The following PRRC2B variants were observed in gnomAD, a reference collection of about 807,000 sequenced individuals.
PRRC2B encodes protein PRRC2B.
PRRC2B carries 68 observed loss-of-function variants against 242.3 expected under a neutral mutation model. The observed-to-expected ratio is 0.28, with a 90% CI of 0.23 to 0.34. The LOEUF is 0.34. PRRC2B is among the 10% of genes least tolerant of loss of function. The pLI is 1.00. For missense variants in PRRC2B, 2,835 were observed against 2,954.8 expected (o/e 0.96, Z 0.94); for synonymous variants, 1,228 against 1,173.6 (o/e 1.05, Z -0.95).
Position 131,475,872 on chromosome 9 carries a change from G to A in PRRC2B, c.3743G>A (p.Arg1248Gln), listed in dbSNP as rs1367892858. The change falls in exon 16 of 32, where the codon CGG becomes CAG. Residue 1248 changes from arginine (R) to glutamine (Q), a missense_variant. Transcript: ENST00000683519. ...GGCCCTTCCGACACATGCGGATCCCGGCGACCTACAGACAGAGACTATGTC... is the reference window on the plus strand; with the variant it reads ...GGCCCTTCCGACACATGCGGATCCCAGCGACCTACAGACAGAGACTATGTC... ...EYGPSDTCGSRRPTDRDYVPD... is the reference protein window; with the variant it reads ...EYGPSDTCGSQRPTDRDYVPD... 5.6e-6 allele frequency: 9 copies of A among 1,613,668 alleles called. No homozygotes were observed. Among genetic ancestry groups the A allele is most frequent in the South Asian group, 4.4e-5 (4 of 91,076 alleles).
Position 131,446,308 on chromosome 9 carries a change from T to G in PRRC2B, c.614-93T>G. On this transcript the variant is annotated intron_variant, in intron 6 of 31. Transcript: ENST00000683519. This position sits in a 1 kb window ranked among gnomAD's most constrained non-coding sequence, Gnocchi z 4.1. ...TTTGTTTTTCATTTTATTTTTTTGG[T>G]GAAGGAGGGGGTCCCTTGACCTTCA... 2 of 1,448,338 alleles carry G rather than the reference T, an allele frequency of 1.4e-6. No homozygotes were observed. Among genetic ancestry groups the G allele is most frequent in the South Asian group, 2.6e-5 (2 of 75,958 alleles). 89.7% of individuals were successfully genotyped at this position (1,448,338 alleles called of 1,614,324 possible). A position where few individuals can be genotyped will look rare whatever the true frequency, so the allele number is the denominator to read the frequency against.
At chr9:131,452,532 C>T (rs1235666021) in intron 9 of PRRC2B, among the ~76,000 whole-genome samples, 1 of 151,984 alleles carries the variant, frequency 6.6e-6, no homozygotes, top group Non-Finnish European at 1.5e-5. Flanking sequence ...ATTACATTAT[C>T]CTTTTGATGT....
At chr9:131,376,318 C>T (rs1307197843) in intron 1 of PRRC2B, among the ~76,000 whole-genome samples, 1 of 150,140 alleles carries the variant, frequency 6.7e-6, no homozygotes, top group Non-Finnish European at 1.5e-5. Context: ...CGCGCCAATG[C>T]ACTCCAGCCT....
At chr9:131,422,759 A>G (rs1837878243) in intron 1 of PRRC2B, among the ~76,000 whole-genome samples, 1 of 152,182 alleles carries the variant, frequency 6.6e-6, no homozygotes, top group Non-Finnish European at 1.5e-5. Context: ...GTTGTTGGCG[A>G]ATCTTTCTGG....
At chr9:131,479,675 G>C (rs369148481) in intron 19 of PRRC2B, among the ~76,000 whole-genome samples, 2 of 152,208 alleles carry the variant, frequency 1.3e-5, no homozygotes, top group East Asian at 3.9e-4. Flanking sequence ...CTTGGGCTTA[G>C]ATCACACAGT....
rs190501534 is a variant in PRRC2B at position 131,484,772 on chromosome 9, C to T, written c.5547C>T (p.Thr1849=). ...AIGLSPMSFP[T]ADLTLKMESA... ...GTCTCTCCCCAATGTCCTTCCCCACCGCCGACCTTACTCTGAAGGTAACAC... is the reference window on the plus strand; with the variant it reads ...GTCTCTCCCCAATGTCCTTCCCCACTGCCGACCTTACTCTGAAGGTAACAC... The change falls in exon 24 of 32, where the codon ACC becomes ACT. Residue 1849 remains threonine, a synonymous_variant. Coordinates refer to ENST00000683519, the MANE Select transcript of PRRC2B (RefSeq NM_013318.4). 2.4e-4 allele frequency: 394 copies of T among 1,611,044 alleles called. 2 individuals are homozygous for T. In the African/African-American group the frequency reaches 4.8e-3, roughly 19 times the overall value.
intron 14 of PRRC2B, among the ~76,000 whole-genome samples, chr9:131,472,769 A>G (rs1943582384): frequency 6.6e-6 from 1 of 152,132 alleles, no homozygotes; most frequent in Admixed American, 6.5e-5. Context: ...ATGAGCCACC[A>G]TGCCCAGCCT....
intron 1 of PRRC2B, among the ~76,000 whole-genome samples, chr9:131,413,513 ACATAG>A (rs1837558922): frequency 6.6e-6 from 1 of 152,184 alleles, no homozygotes; most frequent in South Asian, 2.1e-4. Flanking sequence ...AGCATTTCAA[ACATAG>A]GCATGCACCA....
chr9:131,494,955 A>G lies in PRRC2B; in HGVS notation c.6555+469A>G, dbSNP rs566399845. Among the ~76,000 whole-genome samples, 4 of 152,202 alleles carry G rather than the reference A, an allele frequency of 2.6e-5. No individual in the cohort carries two copies. The East Asian group carries it at 5.8e-4, about 22-fold the overall frequency. On this transcript the variant is annotated intron_variant, in intron 31 of 31. Transcript: ENST00000683519. This position sits in a 1 kb window ranked among gnomAD's most constrained non-coding sequence, Gnocchi z 4.3. ...CGCAGTGTCTTTTCCTGCACGCACT[A>G]TTCTCTTCTCTATTCTCTAAAACGT...
Position 131,476,063 on chromosome 9 carries a change from C to G in PRRC2B, c.3934C>G (p.Arg1312Gly). 6.2e-7 allele frequency: 1 copy of G among 1,606,920 alleles called. No individual in the cohort carries two copies. The highest frequency in any genetic ancestry group is 8.5e-7 in the Non-Finnish European group (1 of 1,175,522). The change falls in exon 16 of 32, where the codon CGA becomes GGA. Residue 1312 changes from arginine to glycine, a missense_variant. Transcript: ENST00000683519. ...RRPPRQDKPPRFRRLRQERES... is the reference protein window; with the variant it reads ...RRPPRQDKPPGFRRLRQERES... The stretch of plus-strand genomic sequence containing the variant: ...CCCCCCACGCCAAGATAAGCCCCCT[C>G]GATTCCGGCGCCTCCGGCAAGAGCG...
chr9:131,417,740 A>C (rs191312339), intron 1 of PRRC2B, among the ~76,000 whole-genome samples: 51 of 152,214 alleles, frequency 3.4e-4, no homozygotes, highest in Admixed American at 1.1e-3. Context: ...CTGTATTCTA[A>C]ATAGTGTGTC....
upstream of PRRC2B, among the ~76,000 whole-genome samples, chr9:131,389,441 G>A (rs1165751607): frequency 6.6e-6 from 1 of 150,690 alleles, no homozygotes; most frequent in Non-Finnish European, 1.5e-5. Context: ...ACATGCATGA[G>A]CCACTGTGCC....
At chr9:131,445,406 G>A (rs1188617196) in intron 6 of PRRC2B, among the ~76,000 whole-genome samples, 7 of 152,126 alleles carry the variant, frequency 4.6e-5, no homozygotes, top group Non-Finnish European at 7.4e-5. Context: ...TGATCCGCCT[G>A]TCTCAGCCTC....
intron 3 of PRRC2B, among the ~76,000 whole-genome samples, chr9:131,434,374 G>A: frequency 6.6e-6 from 1 of 151,722 alleles, no homozygotes; most frequent in East Asian, 1.9e-4. Context: ...GCTCCAGTGA[G>A]GGCTAGTTGT....
intron 1 of PRRC2B, among the ~76,000 whole-genome samples, chr9:131,411,466 C>A (rs1179341783): frequency 6.6e-6 from 1 of 150,826 alleles, no homozygotes; most frequent in Non-Finnish European, 1.5e-5. Flanking sequence ...CCTGCCTCAG[C>A]CTCCCGAGTA....
intron 1 of PRRC2B, among the ~76,000 whole-genome samples, chr9:131,398,560 CATCA>C (rs1370209134): frequency 1.3e-5 from 2 of 152,196 alleles, no homozygotes; most frequent in Non-Finnish European, 2.9e-5. Flanking sequence ...CCAAGATAAC[CATCA>C]GTCTTTTTCT....
In PRRC2B at chr9:131,394,710, C is replaced by T. The variant is rs1252533587; in HGVS notation, c.-52+447C>T. ...CCGCCCAATTGACGGAGCAGCGCGC[C>T]CGAGGCGGGATCCTGCGGGGTCGGG... On this transcript the variant is annotated intron_variant, in intron 1 of 31. Coordinates refer to ENST00000683519, the MANE Select transcript of PRRC2B (RefSeq NM_013318.4). Among the ~76,000 whole-genome samples, 3 of 151,726 alleles carry T rather than the reference C, an allele frequency of 2.0e-5. No individual in the cohort carries two copies. The East Asian group carries it at 5.8e-4, about 30-fold the overall frequency.
Position 131,446,293 on chromosome 9 carries a change from A to G in PRRC2B, c.614-108A>G. 1 of 1,379,836 alleles carries G rather than the reference A, an allele frequency of 7.2e-7. No homozygotes were observed. The highest frequency in any genetic ancestry group is 9.7e-7 in the Non-Finnish European group (1 of 1,025,816). The allele number at this position is 1,379,836 out of a possible 1,614,324, so 85.5% of individuals were successfully genotyped here. ...TCACTTTTGGTGTTTTTTGTTTTTC[A>G]TTTTATTTTTTTGGTGAAGGAGGGG... On this transcript the variant is annotated intron_variant, in intron 6 of 31. Transcript: ENST00000683519. This position sits in a 1 kb window ranked among gnomAD's most constrained non-coding sequence, Gnocchi z 4.1.
upstream of PRRC2B, among the ~76,000 whole-genome samples, chr9:131,393,272 G>C (rs1414251429): frequency 2.6e-5 from 4 of 152,366 alleles, no homozygotes; most frequent in East Asian, 5.8e-4. Context: ...GACTGGAAGA[G>C]GGTGGGATGA....
Sources: gnomAD v4.1 joint callset for allele counts (sites outside exome capture counted in the v4.1 genomes callset) on GRCh38, gnomAD v4.1.1 for gene constraint, Gnocchi (gnomAD v3.1) non-coding constraint, MANE v1.5 for transcripts, NCBI Gene and HGNC (gene_info 2026-07-23, HGNC 2026-07-21) for gene names.